The following DOP1B variants were observed in gnomAD, a reference collection of about 807,000 sequenced individuals.
The protein encoded by DOP1B is protein DOP1B.
DOP1B carries 174 observed loss-of-function variants against 233.5 expected under a neutral mutation model. That is an observed-to-expected ratio of 0.75 (90% CI 0.66 to 0.85). The LOEUF (loss-of-function observed/expected upper bound fraction) is 0.85. Among genes scored for constraint, DOP1B ranks in the 40% least tolerant of loss-of-function variants. The pLI is 0.00. For synonymous variants in DOP1B, 1,190 were observed against 1,185.6 expected, an observed-to-expected ratio of 1.00 and a Z score of -0.08; for missense variants, 2,652 against 2,846.6, an observed-to-expected ratio of 0.93 and a Z score of 1.56.
intron 9 of DOP1B, among the ~76,000 whole-genome samples, chr21:36,218,377 G>A (rs2066584458): frequency 6.6e-6 from 1 of 152,096 alleles, no homozygotes; most frequent in African/African-American, 2.4e-5. Flanking sequence ...ATAAAAATTA[G>A]CTGGGCGTGG....
intron 2 of DOP1B, among the ~76,000 whole-genome samples, chr21:36,188,673 C>T (rs1157023140): frequency 6.6e-6 from 1 of 152,146 alleles, no homozygotes; most frequent in East Asian, 1.9e-4. Flanking sequence ...CAGTGTTTCA[C>T]CGTGAAAAAT....
At chr21:36,202,188 GA>G (rs1161864249) in intron 4 of DOP1B, among the ~76,000 whole-genome samples, 1 of 151,818 alleles carries the variant, frequency 6.6e-6, no homozygotes, top group African/African-American at 2.4e-5. Context: ...CTACGTCTCA[GA>G]AAAAAACAAA....
In DOP1B at chr21:36,281,593, T is replaced by C. The variant is rs1310266167; in HGVS notation, c.6142T>C (p.Tyr2048His). 3.8e-6 allele frequency: 6 copies of C among 1,596,898 alleles called. No homozygotes were observed. The highest frequency in any genetic ancestry group is 5.1e-6 in the Non-Finnish European group (6 of 1,165,988). ...TGGAGAACTTGATCAATACCACCTT[T>C]ACCTTCCACTGATACAAGGTAAGAC... is the stretch of plus-strand genomic sequence containing the variant. ...FSGELDQYHL[Y>H]LPLIQERLTD... The change falls in exon 32 of 37, where the codon TAC becomes CAC. Residue 2048 changes from tyrosine to histidine, a missense_variant. Coordinates refer to ENST00000691173, the MANE Select transcript of DOP1B (RefSeq NM_001320714.2).
At chr21:36,241,891 A>C (rs1300974611) in intron 18 of DOP1B, among the ~76,000 whole-genome samples, 1 of 150,766 alleles carries the variant, frequency 6.6e-6, no homozygotes, top group Non-Finnish European at 1.5e-5. Context: ...AAGTAAGCAG[A>C]GGTGTGTGAA....
chr21:36,278,477 A>G (rs1372031903), intron 30 of DOP1B, 122 bp downstream of exon 30: 2 of 1,027,796 alleles, frequency 1.9e-6, no homozygotes, highest in Non-Finnish European at 1.4e-6. Context: ...AAATAACAGG[A>G]CGTCCCTGTC....
chr21:36,255,172 G>A (rs949295788), intron 23 of DOP1B, among the ~76,000 whole-genome samples: 1 of 150,252 alleles, frequency 6.7e-6, no homozygotes, highest in African/African-American at 2.4e-5. Context: ...TCACTTTGTC[G>A]CCCAGGCTGG....
intron 18 of DOP1B, among the ~76,000 whole-genome samples, chr21:36,244,019 CTTTTTTTT>C (rs35020490): frequency 2.8e-5 from 2 of 70,580 alleles, no homozygotes; most frequent in African/African-American, 1.2e-4. Context: ...TTTTCCTTTC[CTTTTTTTT>C]TTTTTTTTTT....
chr21:36,276,548 A>G (rs1176795848), intron 27 of DOP1B, among the ~76,000 whole-genome samples: 1 of 151,920 alleles, frequency 6.6e-6, no homozygotes, highest in Non-Finnish European at 1.5e-5. Context: ...AAAATAAAAA[A>G]GTTGAATGAT....
chr21:36,291,549 G>A (rs1377296710), intron 35 of DOP1B, among the ~76,000 whole-genome samples: 1 of 152,106 alleles, frequency 6.6e-6, no homozygotes. Context: ...GACAGAACGA[G>A]ACTGTCTCAA....
chr21:36,281,103 A>G (rs2067410623), intron 31 of DOP1B, among the ~76,000 whole-genome samples: 1 of 152,178 alleles, frequency 6.6e-6, no homozygotes, highest in African/African-American at 2.4e-5. Flanking sequence ...CAGGGGTTCA[A>G]GACCAGCCTG....
At chr21:36,224,863 G>A (rs2066664267) in intron 11 of DOP1B, among the ~76,000 whole-genome samples, 1 of 151,924 alleles carries the variant, frequency 6.6e-6, no homozygotes, top group South Asian at 2.1e-4. Context: ...GGAATTACTT[G>A]GAGAGGAGTA....
chr21:36,285,258 C>T (rs539381337), intron 32 of DOP1B, among the ~76,000 whole-genome samples: 2 of 151,978 alleles, frequency 1.3e-5, no homozygotes, highest in Non-Finnish European at 2.9e-5. Flanking sequence ...TAGGGTTTCA[C>T]CATGTTGGCC....
chr21:36,256,746 AAC>A (rs1293277273), intron 23 of DOP1B, among the ~76,000 whole-genome samples: 3 of 151,198 alleles, frequency 2.0e-5, no homozygotes, highest in Non-Finnish European at 4.4e-5. Flanking sequence ...CAAGAGGACT[AAC>A]ACAGTTCTAT....
chr21:36,239,722 G>A, intron 17 of DOP1B, 43 bp from the exon 18 acceptor site: 1 of 1,493,466 alleles, frequency 6.7e-7, no homozygotes, highest in Non-Finnish European at 9.0e-7. Context: ...CTGGCGCACA[G>A]GGGTGGCTGC....
intron 2 of DOP1B, among the ~76,000 whole-genome samples, chr21:36,191,306 C>T (rs1055324971): frequency 1.3e-5 from 2 of 151,620 alleles, no homozygotes; most frequent in African/African-American, 4.8e-5. Flanking sequence ...CACACATACA[C>T]CCTGAAGAGG....
At chr21:36,272,433 C>G (rs776196818) in intron 27 of DOP1B, among the ~76,000 whole-genome samples, 4 of 150,710 alleles carry the variant, frequency 2.7e-5, no homozygotes, top group African/African-American at 9.8e-5. Flanking sequence ...GTGGATCACC[C>G]GAGGTCAGGA....
At chr21:36,203,388 C>T (rs539053861) in intron 4 of DOP1B, among the ~76,000 whole-genome samples, 1 of 152,214 alleles carries the variant, frequency 6.6e-6, no homozygotes, top group South Asian at 2.1e-4. Flanking sequence ...CAGTCTGAGA[C>T]GGTTTGGTAA....
At chr21:36,262,722 A>C (rs2067184563) in intron 24 of DOP1B, among the ~76,000 whole-genome samples, 1 of 151,298 alleles carries the variant, frequency 6.6e-6, no homozygotes, top group Non-Finnish European at 1.5e-5. Flanking sequence ...AACCCTACTA[A>C]TCTCTACTAA....
intron 2 of DOP1B, chr21:36,170,265 C>T (rs1568997440): frequency 2.9e-6 from 1 of 341,552 alleles, no homozygotes; most frequent in Non-Finnish European, 5.5e-6. Context: ...AGCACCTTTT[C>T]ATATGCTTTT....
Sources: gnomAD v4.1 joint callset for allele counts (sites outside exome capture counted in the v4.1 genomes callset) on GRCh38, gnomAD v4.1.1 for gene constraint, MANE v1.5 for transcripts, NCBI Gene and HGNC (gene_info 2026-07-23, HGNC 2026-07-21) for gene names.